Variants in FHIT observed in about 807,000 individuals in gnomAD.
FHIT encodes fragile histidine triad diadenosine triphosphatase.
In FHIT, 19 loss-of-function variants were observed where a neutral mutation model predicts 17.9. That is an observed-to-expected ratio of 1.06 (90% confidence interval 0.74 to 1.56). The LOEUF (loss-of-function observed/expected upper bound fraction) is 1.56. FHIT is among the 40% of genes most tolerant of loss of function. The pLI, the probability that FHIT is intolerant of heterozygous loss-of-function variation, is 0.00. For synonymous variants in FHIT, 81 were observed against 69.7 expected, an observed-to-expected ratio of 1.16 and a Z score of -0.81; for missense variants, 248 against 189.2, an observed-to-expected ratio of 1.31 and a Z score of -1.82.
rs374503569 is a variant in FHIT, at chr3:60,682,152, TA to T, written c.-18+139766del. ...ACGCCCTGCTAATTTTTTGTATTTTTAGTAGAGACATGGTTTCCCCATGTTG... is the reference window on the plus strand; with the variant it reads ...ACGCCCTGCTAATTTTTTGTATTTTTGTAGAGACATGGTTTCCCCATGTTG... On this transcript the variant is annotated intron_variant, in intron 4 of 9. Transcript: ENST00000492590. Among the ~76,000 whole-genome samples, 173 of 152,160 alleles carry T rather than the reference TA, an allele frequency of 1.1e-3. 2 individuals carry two copies. The highest frequency in any genetic ancestry group is 4.0e-3 in the African/African-American group (167 of 41,520).
chr3:60,662,412 T>C (rs1166663769), intron 4 of FHIT, among the ~76,000 whole-genome samples: 2 of 152,232 alleles, frequency 1.3e-5, no homozygotes, highest in African/African-American at 4.8e-5. Context: ...CCTATGTTTA[T>C]ACCAGTACCA....
intron 4 of FHIT, among the ~76,000 whole-genome samples, chr3:60,757,058 C>G (rs1172086055): frequency 6.6e-6 from 1 of 152,012 alleles, no homozygotes; most frequent in Non-Finnish European, 1.5e-5. Flanking sequence ...TCAGCCAGAG[C>G]TGTAGAAAAT....
At chr3:61,172,653 C>T (rs2038039624) in intron 2 of FHIT, among the ~76,000 whole-genome samples, 1 of 151,204 alleles carries the variant, frequency 6.6e-6, no homozygotes, top group Non-Finnish European at 1.5e-5. Flanking sequence ...TTCATTTTCC[C>T]TCATAGATGG....
At chr3:60,085,900 T>C (rs1338906192) in intron 5 of FHIT, among the ~76,000 whole-genome samples, 1 of 152,216 alleles carries the variant, frequency 6.6e-6, no homozygotes, top group African/African-American at 2.4e-5. Flanking sequence ...GCTCCTCCTG[T>C]GAGATTTTGC....
At chr3:60,764,165 C>T (rs1300616888) in intron 4 of FHIT, among the ~76,000 whole-genome samples, 4 of 152,074 alleles carry the variant, frequency 2.6e-5, no homozygotes, top group Non-Finnish European at 5.9e-5. Context: ...CCTGTCACTC[C>T]CACCATTCCT....
At chr3:60,782,431 A>C (rs1559718106) in intron 4 of FHIT, among the ~76,000 whole-genome samples, 1 of 152,176 alleles carries the variant, frequency 6.6e-6, no homozygotes, top group Non-Finnish European at 1.5e-5. Flanking sequence ...TGAGGCAAGG[A>C]CCAGATGAGG....
chr3:60,521,476 T>C (rs905119185), intron 5 of FHIT, among the ~76,000 whole-genome samples: 5 of 152,136 alleles, frequency 3.3e-5, no homozygotes, highest in Admixed American at 2.6e-4. Flanking sequence ...CTCGATCTGC[T>C]GACTTCGTGA....
At chr3:61,188,573 C>T (rs1026266570) in intron 2 of FHIT, among the ~76,000 whole-genome samples, 5 of 152,226 alleles carry the variant, frequency 3.3e-5, no homozygotes, top group Non-Finnish European at 1.5e-5. Context: ...TCCTCCCTAA[C>T]TCATTTTATG....
At chr3:60,136,561 T>C (rs552284565) in intron 5 of FHIT, among the ~76,000 whole-genome samples, 6 of 152,318 alleles carry the variant, frequency 3.9e-5, no homozygotes, top group African/African-American at 1.4e-4. Context: ...GCTGAGCCAC[T>C]ATCCAATTTC....
chr3:60,903,733 A>G (rs1377472900), intron 3 of FHIT, among the ~76,000 whole-genome samples: 1 of 152,226 alleles, frequency 6.6e-6, no homozygotes, highest in Non-Finnish European at 1.5e-5. Context: ...CATTTAATTC[A>G]GCTATTTGGT....
At chr3:60,497,335 G>A (rs910659580) in intron 5 of FHIT, among the ~76,000 whole-genome samples, 9 of 152,284 alleles carry the variant, frequency 5.9e-5, no homozygotes, top group Non-Finnish European at 1.2e-4. Flanking sequence ...AAGATCTGAA[G>A]CATGTATGAA....
chr3:59,787,442 T>C (rs941770517), intron 8 of FHIT, among the ~76,000 whole-genome samples: 1 of 150,870 alleles, frequency 6.6e-6, no homozygotes, highest in Non-Finnish European at 1.5e-5. Flanking sequence ...GTAGCCTAAA[T>C]GTGAAATTTC....
Position 59,758,540 on chromosome 3 carries a change from C to G in FHIT, c.349-6219G>C, listed in dbSNP as rs565365040. 5.9e-5 allele frequency among the ~76,000 whole-genome samples: 9 copies of G among 152,280 alleles called. No individual in the cohort carries two copies. In the South Asian group the frequency reaches 1.9e-3, roughly 32 times the overall value. ...ATTCCCTTTTCAGTGATCTTTCAGT[C>G]CCTCTGACTGTTCAAGAATAAAGTC... is the stretch of plus-strand genomic sequence containing the variant. On this transcript the variant is annotated intron_variant, in intron 8 of 9. Transcript: ENST00000492590.
intron 5 of FHIT, among the ~76,000 whole-genome samples, chr3:60,203,344 A>T (rs1388378569): frequency 6.6e-6 from 1 of 152,222 alleles, no homozygotes; most frequent in Non-Finnish European, 1.5e-5. Flanking sequence ...ACGGTTCATC[A>T]TCAGTGAACA....
intron 3 of FHIT, among the ~76,000 whole-genome samples, chr3:60,858,932 T>C (rs1553750670): frequency 6.6e-6 from 1 of 152,138 alleles, no homozygotes; most frequent in Non-Finnish European, 1.5e-5. Flanking sequence ...CATGATAGTG[T>C]TCCCCCAGGA....
At chr3:61,076,684 A>G (rs958437554) in intron 2 of FHIT, among the ~76,000 whole-genome samples, 19 of 152,204 alleles carry the variant, frequency 1.2e-4, no homozygotes, top group African/African-American at 4.6e-4. Context: ...CCACAATACC[A>G]TGAGCTAGAA....
At chr3:60,449,795 G>A (rs2031597748) in intron 5 of FHIT, among the ~76,000 whole-genome samples, 1 of 151,994 alleles carries the variant, frequency 6.6e-6, no homozygotes, top group Non-Finnish European at 1.5e-5. Flanking sequence ...ACAAGGTCAA[G>A]AGATCAAGAC....
At chr3:59,939,037 G>A (rs17374559) in intron 7 of FHIT, among the ~76,000 whole-genome samples, 2 of 152,086 alleles carry the variant, frequency 1.3e-5, no homozygotes, top group East Asian at 1.9e-4. Context: ...AGGCACAAAC[G>A]ATGAATACTG....
chr3:60,174,624 G>T (rs900027136), intron 5 of FHIT, among the ~76,000 whole-genome samples: 1 of 149,656 alleles, frequency 6.7e-6, no homozygotes, highest in Non-Finnish European at 1.5e-5. Context: ...AAATCTATTT[G>T]CTTTCAAGGT....
Sources: gnomAD v4.1 joint callset for allele counts (sites outside exome capture counted in the v4.1 genomes callset) on GRCh38, gnomAD v4.1.1 for gene constraint, MANE v1.5 for transcripts, NCBI Gene and HGNC (gene_info 2026-07-23, HGNC 2026-07-21) for gene names.